EXT1: variants seen among roughly 807,000 people sequenced by gnomAD.
EXT1 encodes exostosin glycosyltransferase 1, also known as exostosin-1.
A neutral mutation model predicts 82.5 loss-of-function variants in EXT1; 20 were observed. The ratio of observed to expected loss-of-function variants is 0.24; its 90% CI spans 0.17 to 0.35. The LOEUF is 0.35. Among genes scored for constraint, EXT1 ranks in the 10% least tolerant of loss-of-function variants. EXT1 has a pLI of 1.00. For missense variants in EXT1, 757 were observed against 936.5 expected (o/e 0.81, Z 2.50); for synonymous variants, 348 against 350.8 (o/e 0.99, Z 0.09).
At chr8:117,956,528 C>T (rs984818012) in intron 1 of EXT1, among the ~76,000 whole-genome samples, 22 of 152,134 alleles carry the variant, frequency 1.4e-4, no homozygotes, top group African/African-American at 4.6e-4. Flanking sequence ...TTGGAACCTC[C>T]ACCTCTGGTG....
At chr8:117,814,315 G>C (rs1280359124) in intron 7 of EXT1, among the ~76,000 whole-genome samples, 4 of 151,446 alleles carry the variant, frequency 2.6e-5, no homozygotes, top group Non-Finnish European at 5.9e-5. Context: ...GGGTGGAGAG[G>C]TTACCCTGTG....
chr8:117,972,414 G>A (rs1015354711), intron 1 of EXT1, among the ~76,000 whole-genome samples: 2 of 152,192 alleles, frequency 1.3e-5, no homozygotes, highest in African/African-American at 4.8e-5. Flanking sequence ...GATAGACACA[G>A]GAAAGGTCAA....
At chr8:118,049,072 A>G (rs542958372) in intron 1 of EXT1, among the ~76,000 whole-genome samples, 137 of 152,342 alleles carry the variant, frequency 9.0e-4, no homozygotes, top group African/African-American at 3.2e-3. Flanking sequence ...TTTACAGCCA[A>G]CTATTTCAGA....
chr8:118,074,079 G>T (rs545459695), intron 1 of EXT1, among the ~76,000 whole-genome samples: 6 of 151,980 alleles, frequency 3.9e-5, no homozygotes, highest in African/African-American at 1.4e-4. Context: ...AAACCGGAAT[G>T]GGGGTGGGGT....
intron 1 of EXT1, among the ~76,000 whole-genome samples, chr8:118,046,055 T>TA (rs1384182308): frequency 1.3e-5 from 2 of 151,946 alleles, no homozygotes; most frequent in East Asian, 3.9e-4. Context: ...CTCAGCCTCT[T>TA]AAAGTGCTGG....
intron 1 of EXT1, among the ~76,000 whole-genome samples, chr8:117,956,130 CA>C (rs1352486225): frequency 6.6e-6 from 1 of 151,084 alleles, no homozygotes; most frequent in African/African-American, 2.4e-5. Flanking sequence ...CAACAACACA[CA>C]CAGGAAAAGG....
chr8:117,942,719 C>A (rs17504743), intron 1 of EXT1, among the ~76,000 whole-genome samples: 8,723 of 151,764 alleles, frequency 0.057, 870 homozygotes, highest in African/African-American at 0.2. Flanking sequence ...CTCCAAAAAA[C>A]GAAAGAAAAA....
intron 1 of EXT1, among the ~76,000 whole-genome samples, chr8:117,924,316 A>G (rs1015920505): frequency 5.3e-5 from 8 of 152,214 alleles, no homozygotes; most frequent in Admixed American, 3.9e-4. Flanking sequence ...TAAGAGATTT[A>G]CTTTATATGT....
intron 3 of EXT1, among the ~76,000 whole-genome samples, chr8:117,832,604 G>A (rs1269964377): frequency 6.6e-6 from 1 of 152,066 alleles, no homozygotes; most frequent in Non-Finnish European, 1.5e-5. Flanking sequence ...AGTCTGCTGT[G>A]GTTATGAAAG....
At chr8:118,067,563 G>C (rs1817014741) in intron 1 of EXT1, among the ~76,000 whole-genome samples, 1 of 152,174 alleles carries the variant, frequency 6.6e-6, no homozygotes, top group Non-Finnish European at 1.5e-5. Flanking sequence ...ACACACCATA[G>C]CTGAGGAAAT....
chr8:118,008,843 A>G (rs1182581584), intron 1 of EXT1, among the ~76,000 whole-genome samples: 1 of 152,166 alleles, frequency 6.6e-6, no homozygotes. Context: ...CCCACCTCAC[A>G]GAGTTTTTTA....
At chr8:117,839,338 C>A (rs908318791) in intron 1 of EXT1, among the ~76,000 whole-genome samples, 12 of 152,130 alleles carry the variant, frequency 7.9e-5, no homozygotes, top group Non-Finnish European at 1.6e-4. Flanking sequence ...TACTCTTTAT[C>A]TTATCATTTT....
chr8:117,861,607 A>C lies in EXT1; in HGVS notation c.963-24406T>G, dbSNP rs112686126. Among the ~76,000 whole-genome samples the C allele has an allele frequency of 1.5e-4, 18 of 122,154 alleles. 1 individual carries two copies. The highest frequency in any genetic ancestry group is 4.9e-4 in the African/African-American group (18 of 36,690). The allele number at this position is 122,154 out of a possible 152,430, so 80.1% of individuals were successfully genotyped here. On this transcript the variant is annotated intron_variant, in intron 1 of 10. Coordinates refer to ENST00000378204, the MANE Select transcript of EXT1 (RefSeq NM_000127.3). ...CCTCCCAGGTTCAAGTTTTTCTTGC[A>C]CCTCAGCCTCCTGAGTAGCTGGGAT...
chr8:118,056,084 A>C (rs1274253865), intron 1 of EXT1, among the ~76,000 whole-genome samples: 3 of 152,170 alleles, frequency 2.0e-5, no homozygotes, highest in Non-Finnish European at 4.4e-5. Flanking sequence ...GGAAAAAAAA[A>C]ATCACAGAAA....
At chr8:118,000,489 A>C (rs1435752807) in intron 1 of EXT1, among the ~76,000 whole-genome samples, 3 of 152,236 alleles carry the variant, frequency 2.0e-5, no homozygotes, top group African/African-American at 7.2e-5. Context: ...TGTGTAAACG[A>C]AAGTTGCCCG....
chr8:118,065,326 A>G (rs911427344), intron 1 of EXT1, among the ~76,000 whole-genome samples: 1 of 152,162 alleles, frequency 6.6e-6, no homozygotes, highest in African/African-American at 2.4e-5. Context: ...GAGTCTTTGA[A>G]AAGGCTCTCA....
At chr8:117,846,101 G>T (rs1215521627) in intron 1 of EXT1, among the ~76,000 whole-genome samples, 1 of 152,082 alleles carries the variant, frequency 6.6e-6, no homozygotes, top group Non-Finnish European at 1.5e-5. Flanking sequence ...TGCAGCACCA[G>T]CTTTTTCTTT....
intron 1 of EXT1, among the ~76,000 whole-genome samples, chr8:117,857,530 T>TC (rs941690784): frequency 5.1e-5 from 5 of 97,976 alleles, no homozygotes; most frequent in Admixed American, 1.0e-4. Context: ...CGGCAAGACT[T>TC]CCCCCCGCCA....
intron 1 of EXT1, among the ~76,000 whole-genome samples, chr8:117,841,759 G>C (rs540302645): frequency 6.7e-5 from 10 of 149,904 alleles, no homozygotes; most frequent in Non-Finnish European, 1.5e-4. Flanking sequence ...CCACTCTATG[G>C]CCATAATCAT....
Sources: allele counts gnomAD v4.1 joint callset (sites outside exome capture counted in the v4.1 genomes callset), GRCh38; gene constraint gnomAD v4.1.1; transcripts MANE v1.5; gene names NCBI Gene and HGNC (gene_info 2026-07-23, HGNC 2026-07-21).